Variants in SPTB observed in about 807,000 individuals in gnomAD.
SPTB encodes the protein spectrin beta, erythrocytic, also known as spectrin beta chain, erythrocytic.
SPTB carries 45 observed loss-of-function variants against 256.2 expected under a neutral mutation model. The ratio of observed to expected loss-of-function variants is 0.18; its 90% CI spans 0.14 to 0.23. The LOEUF (loss-of-function observed/expected upper bound fraction) is 0.23. Among genes scored for constraint, SPTB ranks in the 10% least tolerant of loss-of-function variants. The pLI, the probability that SPTB is intolerant of heterozygous loss-of-function variation, is 1.00. For missense variants in SPTB, 2,715 were observed against 3,040.4 expected (o/e 0.89, Z 2.52); for synonymous variants, 1,231 against 1,243.1 (o/e 0.99, Z 0.21).
chr14:64,831,433 A>G (rs1157465226), intron 1 of SPTB, among the ~76,000 whole-genome samples: 2 of 152,238 alleles, frequency 1.3e-5, no homozygotes, highest in Non-Finnish European at 2.9e-5. Context: ...TGAAAACCTA[A>G]AAAGCTAAAA....
At position 64,786,671 on chromosome 14, in the gene SPTB, C is replaced by G. The variant is rs1180768765; in HGVS notation, c.3294G>C (p.Gln1098His). The part of the protein sequence containing the change: ...DMPESLPEAE[Q>H]LLQQHAGIKD... ...TGATACCTGCATGCTGCTGCAGGAG[C>G]TGCTCAGCCTCTGGGAGGGATTCGG... Residue 1098 changes from glutamine (Q) to histidine (H), a missense_variant, in exon 16 of 36, where the codon CAG (glutamine) becomes CAC (histidine). Gln to His is a conservative substitution (Grantham distance 24). Coordinates refer to ENST00000644917, the MANE Select transcript of SPTB (RefSeq NM_001355436.2). This position sits in a 1 kb window ranked among gnomAD's most constrained non-coding sequence, Gnocchi z 5.6. The G allele has an allele frequency of 1.2e-6, 2 of 1,614,132 alleles. No homozygotes were observed. Among genetic ancestry groups the G allele is most frequent in the East Asian group, 2.2e-5 (1 of 44,882 alleles).
intron 2 of SPTB, among the ~76,000 whole-genome samples, chr14:64,820,462 T>G (rs1480844806): frequency 6.6e-6 from 1 of 152,208 alleles, no homozygotes; most frequent in Non-Finnish European, 1.5e-5. Flanking sequence ...TGTTTGTTCT[T>G]GAAAATCTTG....
intron 1 of SPTB, among the ~76,000 whole-genome samples, chr14:64,871,615 C>T (rs912586874): frequency 3.3e-5 from 5 of 152,194 alleles, no homozygotes; most frequent in Non-Finnish European, 4.4e-5. Flanking sequence ...AAACCTAACA[C>T]GTGGTGCTGC....
At chr14:64,801,539 G>T (rs2082886119) in intron 6 of SPTB, 139 bp from the exon 7 acceptor site, 2 of 810,810 alleles carry the variant, frequency 2.5e-6, no homozygotes, top group Non-Finnish European at 4.2e-6. Context: ...TGGGAGCAGA[G>T]GAGAGGGGGC....
In SPTB at chr14:64,795,298, G is replaced by A; in HGVS notation, c.1644+39C>T. On this transcript the variant is annotated intron_variant, in intron 12 of 35. Transcript: ENST00000644917. The surrounding 1 kb of genome is among the most constrained non-coding windows in gnomAD (Gnocchi z 6.5). ...GCAGGGCCACTGAGACCCAAGGTGA[G>A]CACTGCAGGGCATGGCGGGGGCGGC... 1 of 1,602,262 alleles carries A rather than the reference G, an allele frequency of 6.2e-7. No homozygotes were observed.
intron 1 of SPTB, among the ~76,000 whole-genome samples, chr14:64,830,159 T>C (rs1042448712): frequency 6.6e-6 from 1 of 151,892 alleles, no homozygotes; most frequent in Non-Finnish European, 1.5e-5. Context: ...ATCTGTCTGT[T>C]TCCTCTTTTT....
rs1391284433 is a variant in SPTB at position 64,823,071 on chromosome 14, T to C, written c.24A>G (p.Glu8=). ...TGTAAGGTGGCTGGTTGCCCACATTTTCAAACTCTGTGGCCGATGTCATGT... is the reference window on the plus strand; with the variant it reads ...TGTAAGGTGGCTGGTTGCCCACATTCTCAAACTCTGTGGCCGATGTCATGT... MTSATEF[E]NVGNQPPYSR... Residue 8 remains glutamate, a synonymous_variant, in exon 2 of 36, where the codon GAA becomes GAG. Transcript: ENST00000644917. This position sits in a 1 kb window ranked among gnomAD's most constrained non-coding sequence, Gnocchi z 6.5. 1 of 1,614,178 alleles carries C rather than the reference T, an allele frequency of 6.2e-7. No homozygotes were observed. Among genetic ancestry groups the C allele is most frequent in the East Asian group, 2.2e-5 (1 of 44,874 alleles).
intron 1 of SPTB, among the ~76,000 whole-genome samples, chr14:64,876,031 A>G (rs1882807779): frequency 6.6e-6 from 1 of 152,088 alleles, no homozygotes; most frequent in African/African-American, 2.4e-5. Context: ...ACAGTGGCAC[A>G]ATCATAGTTC....
intron 1 of SPTB, among the ~76,000 whole-genome samples, chr14:64,848,384 C>T (rs1426984973): frequency 2.6e-5 from 4 of 152,248 alleles, no homozygotes; most frequent in African/African-American, 9.6e-5. Context: ...CTAAATGAGA[C>T]TCAAGCCTGT....
At chr14:64,774,672 T>C (rs947900385) in intron 23 of SPTB, 145 bp from the exon 24 acceptor site, 1 of 1,238,494 alleles carries the variant, frequency 8.1e-7, no homozygotes, top group Non-Finnish European at 1.1e-6. Flanking sequence ...ACATGCTTCC[T>C]TCCTGCCCTT....
intron 3 of SPTB, 132 bp from the exon 4 acceptor site, chr14:64,803,912 T>C: frequency 1.1e-6 from 1 of 913,190 alleles, no homozygotes; most frequent in Non-Finnish European, 1.7e-6. Context: ...CCCATGGTCA[T>C]TCATTGACAC....
At chr14:64,867,370 T>C (rs1317232303) in intron 1 of SPTB, among the ~76,000 whole-genome samples, 1 of 152,166 alleles carries the variant, frequency 6.6e-6, no homozygotes, top group African/African-American at 2.4e-5. Flanking sequence ...CATCAGACAC[T>C]GTCTCTTCCT....
intron 27 of SPTB, 57 bp from the exon 28 acceptor site, chr14:64,769,785 T>G (rs2082250750): frequency 1.2e-6 from 2 of 1,612,054 alleles, no homozygotes; most frequent in South Asian, 2.2e-5. Context: ...GGCCTGCCTC[T>G]GTGTCCCAAC....
chr14:64,765,939 T>TGGGTGTGAGTGTGTGGATGTGTGTGTATG (rs2082169656), intron 32 of SPTB, among the ~76,000 whole-genome samples: 2 of 148,556 alleles, frequency 1.3e-5, no homozygotes, highest in South Asian at 4.3e-4. Context: ...TGTATGTGTG[T>TGGGTGTGAGTGTGTGGATGTGTGTGTATG]GGGTGTGAGT....
chr14:64,871,708 T>G (rs1039301685), intron 1 of SPTB, among the ~76,000 whole-genome samples: 1 of 152,210 alleles, frequency 6.6e-6, no homozygotes, highest in Non-Finnish European at 1.5e-5. Flanking sequence ...ACACAGAAAC[T>G]GTTGACAGTG....
Position 64,767,451 on chromosome 14 carries a change from C to T in SPTB, c.6220-99G>A, listed in dbSNP as rs540481590. On this transcript the variant is annotated intron_variant, in intron 30 of 35. Transcript: ENST00000644917. ...ATGCGGCCCTGCACCCCCACATGCC[C>T]TGACACTTGTTCCTTCTAGAGTCAG... is the stretch of plus-strand genomic sequence containing the variant. 1.4e-3 allele frequency: 2,146 copies of T among 1,525,218 alleles called. 2 individuals are homozygous for T. The highest frequency in any genetic ancestry group is 1.8e-3 in the Non-Finnish European group (2,041 of 1,105,032). 94.5% of individuals were successfully genotyped at this position (1,525,218 alleles called of 1,614,324 possible). A position where few individuals can be genotyped will look rare whatever the true frequency, so the allele number is the denominator to read the frequency against.
Position 64,782,304 on chromosome 14 carries a change from A to G in SPTB, c.4252T>C (p.Leu1418=). 2 of 1,614,226 alleles carry G rather than the reference A, an allele frequency of 1.2e-6. No individual in the cohort carries two copies. The highest frequency in any genetic ancestry group is 1.7e-6 in the Non-Finnish European group (2 of 1,180,042). ...CACTCACGTGCCTTCAGCTTAGCCA[A>G]CATCCGATTGACACTGGTCAGGTCC... is the stretch of plus-strand genomic sequence containing the variant. ...GKDLTSVNRM[L]AKLKRVEDQV... Residue 1418 remains leucine (L), a synonymous_variant, in exon 20 of 36, where the codon TTG becomes CTG. Transcript: ENST00000644917.
In SPTB at chr14:64,802,217, AG is replaced by A. The variant is rs1281712260; in HGVS notation, c.566+8del. 2 of 1,614,090 alleles carry A rather than the reference AG, an allele frequency of 1.2e-6. No individual in the cohort carries two copies. The highest frequency in any genetic ancestry group is 3.3e-5 in the Admixed American group (2 of 60,022). On this transcript the variant is annotated splice_region_variant and intron_variant, in intron 5 of 35. Transcript: ENST00000644917. This position sits in a 1 kb window ranked among gnomAD's most constrained non-coding sequence, Gnocchi z 5.1. ...GTGGATGTGCTAACAGCTGGTTCCC[AG>A]GGCATACCCTGCCGTCTTCATCTGA...
chr14:64,797,824 C>T lies in SPTB; in HGVS notation c.1087G>A (p.Glu363Lys). Residue 363 changes from glutamate (E) to lysine (K), a missense_variant, in exon 10 of 36, where the codon GAA becomes AAA. Around this residue, in one of 4 missense-constraint regions of SPTB, gnomAD observed 416 missense variants for 571.1 expected, o/e 0.73. Transcript: ENST00000644917. ...PPKFQEKGNL[E>K]VLLFTIQSRM... ...GACTGGATGGTAAAAAGTAGAACTT[C>T]CAGATTCCCCTTCTCTTGAAACCTG... 1.9e-6 allele frequency: 3 copies of T among 1,613,992 alleles called. No individual in the cohort carries two copies. Among genetic ancestry groups the T allele is most frequent in the Non-Finnish European group, 2.5e-6 (3 of 1,179,868 alleles).
Sources: gnomAD v4.1 joint callset for allele counts (sites outside exome capture counted in the v4.1 genomes callset) on GRCh38, gnomAD v4.1.1 for gene constraint, gnomAD v4.1.1 regional missense constraint, Gnocchi (gnomAD v3.1) non-coding constraint, MANE v1.5 for transcripts, NCBI Gene and HGNC (gene_info 2026-07-23, HGNC 2026-07-21) for gene names.